Variants in CDH12 observed in about 807,000 individuals in gnomAD.
CDH12 encodes the protein cadherin 12.
In CDH12, 41 loss-of-function variants were observed where a neutral mutation model predicts 74.1. That is an observed-to-expected ratio of 0.55 (90% CI 0.43 to 0.72). The LOEUF (loss-of-function observed/expected upper bound fraction) is 0.72, where lower values mean the gene tolerates loss of function less well. Among genes scored for constraint, CDH12 ranks in the 30% least tolerant of loss-of-function variants. CDH12 has a pLI of 0.00. For synonymous variants in CDH12, 399 were observed against 355.0 expected, an observed-to-expected ratio of 1.12 and a Z score of -1.39; for missense variants, 945 against 977.2, an observed-to-expected ratio of 0.97 and a Z score of 0.44.
At chr5:22,094,024 T>C (rs1235600935) in intron 4 of CDH12, among the ~76,000 whole-genome samples, 1 of 152,190 alleles carries the variant, frequency 6.6e-6, no homozygotes, top group Non-Finnish European at 1.5e-5. Flanking sequence ...TGCTTCACCA[T>C]GACCACCTGG....
intron 5 of CDH12, among the ~76,000 whole-genome samples, chr5:22,074,702 T>C (rs1263227977): frequency 6.6e-6 from 1 of 151,866 alleles, no homozygotes; most frequent in Admixed American, 6.6e-5. Flanking sequence ...AAAAGACACA[T>C]GAAAAAATGC....
At chr5:22,238,760 A>G (rs1156981229) in intron 3 of CDH12, among the ~76,000 whole-genome samples, 3 of 152,212 alleles carry the variant, frequency 2.0e-5, no homozygotes, top group Non-Finnish European at 4.4e-5. Context: ...ATAGAGTACA[A>G]TAATAAGAGC....
At chr5:21,985,687 T>G (rs906617813) in intron 5 of CDH12, among the ~76,000 whole-genome samples, 2 of 152,166 alleles carry the variant, frequency 1.3e-5, no homozygotes, top group Non-Finnish European at 2.9e-5. Context: ...AAACTACTTT[T>G]GCTAGATTCT....
At chr5:21,958,890 C>T (rs1351389452) in intron 6 of CDH12, among the ~76,000 whole-genome samples, 1 of 152,130 alleles carries the variant, frequency 6.6e-6, no homozygotes, top group Non-Finnish European at 1.5e-5. Context: ...TGCAGTATGG[C>T]CTTTTAATGA....
intron 2 of CDH12, among the ~76,000 whole-genome samples, chr5:22,453,013 G>T (rs1445293901): frequency 6.6e-6 from 1 of 151,160 alleles, no homozygotes; most frequent in African/African-American, 2.4e-5. Context: ...TCACAGAAAT[G>T]CAATTCAAGG....
Position 22,422,345 on chromosome 5 carries a change from T to C in CDH12, c.-427-16994A>G, listed in dbSNP as rs1743687272. On this transcript the variant is annotated intron_variant, in intron 2 of 14. Coordinates refer to ENST00000382254, the MANE Select transcript of CDH12 (RefSeq NM_004061.5). ...GCTTCTTCTGCATCTATTGAGATAA[T>C]TATGCAGTTTTTTTCTTTAGTTCTG... Among the ~76,000 whole-genome samples, 4 of 152,174 alleles carry C rather than the reference T, an allele frequency of 2.6e-5. No homozygotes were observed. The South Asian group carries it at 6.2e-4, about 24-fold the overall frequency.
chr5:21,883,699 G>T, intron 6 of CDH12: 1 of 1,610,222 alleles, frequency 6.2e-7, no homozygotes, highest in Middle Eastern at 1.9e-4. Flanking sequence ...CTTGAAAAAC[G>T]TATTCAAGAA....
chr5:22,167,248 T>G (rs1690087750), intron 4 of CDH12, among the ~76,000 whole-genome samples: 1 of 152,182 alleles, frequency 6.6e-6, no homozygotes, highest in African/African-American at 2.4e-5. Flanking sequence ...TTCTGAAGGA[T>G]GCTAGTCATG....
intron 1 of CDH12, among the ~76,000 whole-genome samples, chr5:22,585,609 C>T (rs1017255976): frequency 6.6e-6 from 1 of 152,078 alleles, no homozygotes; most frequent in Non-Finnish European, 1.5e-5. Flanking sequence ...ATGTTTTTGT[C>T]TCTCTGTGTT....
chr5:21,981,810 A>G (rs2150127790), intron 5 of CDH12, among the ~76,000 whole-genome samples: 1 of 151,972 alleles, frequency 6.6e-6, no homozygotes, highest in African/African-American at 2.4e-5. Flanking sequence ...CAGGGATTAC[A>G]GGCACAGACT....
intron 1 of CDH12, among the ~76,000 whole-genome samples, chr5:22,585,983 T>C (rs954892137): frequency 1.3e-5 from 2 of 152,130 alleles, no homozygotes; most frequent in Non-Finnish European, 2.9e-5. Flanking sequence ...AGCAATCCCA[T>C]TACTGGGTAT....
chr5:22,025,755 G>A (rs976462988), intron 5 of CDH12, among the ~76,000 whole-genome samples: 15 of 152,090 alleles, frequency 9.9e-5, no homozygotes, highest in African/African-American at 2.4e-4. Flanking sequence ...TGAACTCAGC[G>A]TAATGTAATA....
chr5:22,226,004 G>A (rs1752181974), intron 3 of CDH12, among the ~76,000 whole-genome samples: 1 of 150,720 alleles, frequency 6.6e-6, no homozygotes, highest in Non-Finnish European at 1.5e-5. Context: ...ATCAGACATA[G>A]AATATTCATG....
intron 5 of CDH12, among the ~76,000 whole-genome samples, chr5:22,036,771 T>C (rs1166414140): frequency 6.6e-6 from 1 of 152,202 alleles, no homozygotes; most frequent in Non-Finnish European, 1.5e-5. Context: ...TATAAAGATT[T>C]CATATGAAAA....
intron 1 of CDH12, among the ~76,000 whole-genome samples, chr5:22,811,102 T>C (rs1749124615): frequency 6.6e-6 from 1 of 151,760 alleles, no homozygotes. Context: ...TATATGTACA[T>C]ATGTATATAT....
intron 11 of CDH12, among the ~76,000 whole-genome samples, chr5:21,783,031 A>T (rs1745998283): frequency 6.6e-6 from 1 of 152,136 alleles, no homozygotes; most frequent in Admixed American, 6.6e-5. Flanking sequence ...GGCCCTGTGA[A>T]ATACCCAATG....
intron 1 of CDH12, among the ~76,000 whole-genome samples, chr5:22,600,468 C>T (rs1736805102): frequency 6.6e-6 from 1 of 151,996 alleles, no homozygotes; most frequent in African/African-American, 2.4e-5. Context: ...TGGAGCTTTA[C>T]TGTATATAAA....
chr5:22,096,600 G>C (rs999499979), intron 4 of CDH12, among the ~76,000 whole-genome samples: 1 of 151,904 alleles, frequency 6.6e-6, no homozygotes, highest in African/African-American at 2.4e-5. Flanking sequence ...GTTTCTTTCC[G>C]CTACTAGCCC....
intron 3 of CDH12, among the ~76,000 whole-genome samples, chr5:22,241,551 T>A (rs2150381057): frequency 6.6e-6 from 1 of 152,096 alleles, no homozygotes; most frequent in Non-Finnish European, 1.5e-5. Flanking sequence ...AAAATAGTGT[T>A]TTTGAAGTGT....
Sources: gnomAD v4.1 joint callset for allele counts (sites outside exome capture counted in the v4.1 genomes callset) on GRCh38, gnomAD v4.1.1 for gene constraint, MANE v1.5 for transcripts, NCBI Gene and HGNC (gene_info 2026-07-23, HGNC 2026-07-21) for gene names.